Variants in TECPR2 observed in about 807,000 individuals in gnomAD.
TECPR2 encodes the protein tectonin beta-propeller repeat containing 2, also known as tectonin beta-propeller repeat-containing protein 2.
TECPR2 carries 65 observed loss-of-function variants against 138.1 expected under a neutral mutation model. That is an observed-to-expected ratio of 0.47 (90% CI 0.39 to 0.58). The LOEUF is 0.58. TECPR2 is among the 20% of genes least tolerant of loss of function. The probability of loss-of-function intolerance (pLI) is 0.00; values close to 1 mark genes in which losing one functional copy is unlikely to be tolerated. For synonymous variants in TECPR2, 746 were observed against 749.8 expected (o/e 0.99, Z 0.08); for missense variants, 1,553 against 1,824.5 (o/e 0.85, Z 2.71).
intron 17 of TECPR2, among the ~76,000 whole-genome samples, chr14:102,493,061 C>G (rs1891191593): frequency 6.6e-6 from 1 of 152,278 alleles, no homozygotes; most frequent in Non-Finnish European, 1.5e-5. Context: ...CTTTCTCTAT[C>G]TGGAGACCCC....
chr14:102,439,287 C>T (rs1889767271), intron 10 of TECPR2, among the ~76,000 whole-genome samples: 1 of 152,184 alleles, frequency 6.6e-6, no homozygotes, highest in Admixed American at 6.5e-5. Context: ...GAAGCCGAAG[C>T]TGAGTCTGTG....
intron 2 of TECPR2, among the ~76,000 whole-genome samples, chr14:102,396,680 C>T (rs1050982157): frequency 2.0e-5 from 3 of 152,148 alleles, no homozygotes; most frequent in Non-Finnish European, 4.4e-5. Context: ...GCTGGGATGG[C>T]AAACTGTGGT....
At chr14:102,413,449 G>C (rs1888938523) in intron 4 of TECPR2, among the ~76,000 whole-genome samples, 1 of 150,468 alleles carries the variant, frequency 6.6e-6, no homozygotes, top group Non-Finnish European at 1.5e-5. Flanking sequence ...GTGCGATCTT[G>C]GCTCACTGCA....
chr14:102,412,181 G>GT (rs1439420743), intron 4 of TECPR2, among the ~76,000 whole-genome samples: 1 of 142,784 alleles, frequency 7.0e-6, no homozygotes, highest in Non-Finnish European at 1.5e-5. Context: ...ACCCAGGCTG[G>GT]TGCACAGTGG....
In TECPR2 at chr14:102,434,230, A is replaced by G. The variant is rs768297495; in HGVS notation, c.1418-5A>G. On this transcript the variant is annotated splice_polypyrimidine_tract_variant and splice_region_variant and intron_variant, in intron 8 of 19. Transcript: ENST00000359520. ...CTTATTTTGAATGTTCTTATTCTGA[A>G]TTAGAAGGTGGAAGCAGGAGCACCT... 7 of 1,365,290 alleles carry G rather than the reference A, an allele frequency of 5.1e-6. No homozygotes were observed. In the Admixed American group the frequency reaches 8.2e-5, roughly 16 times the overall value. 84.6% of individuals were successfully genotyped at this position (1,365,290 alleles called of 1,614,324 possible).
At chr14:102,449,397 C>T (rs941472598) in intron 13 of TECPR2, among the ~76,000 whole-genome samples, 4 of 152,222 alleles carry the variant, frequency 2.6e-5, no homozygotes, top group African/African-American at 9.7e-5. Flanking sequence ...TCTTCCATAC[C>T]TTTAAATCCA....
intron 19 of TECPR2, 48 bp from the exon 20 acceptor site, chr14:102,498,055 C>G (rs1891338455): frequency 9.8e-7 from 1 of 1,023,528 alleles, no homozygotes; most frequent in South Asian, 1.8e-5. Context: ...GTGCCCACCC[C>G]ACAGGCTGTG....
At chr14:102,383,703 C>T (rs1253011063) in intron 2 of TECPR2, among the ~76,000 whole-genome samples, 1 of 151,794 alleles carries the variant, frequency 6.6e-6, no homozygotes, top group Non-Finnish European at 1.5e-5. Flanking sequence ...CCACTGCGCC[C>T]GGTCCCGTAT....
At chr14:102,442,167 C>T (rs1041801371) in intron 11 of TECPR2, among the ~76,000 whole-genome samples, 4 of 152,160 alleles carry the variant, frequency 2.6e-5, no homozygotes, top group African/African-American at 9.7e-5. Flanking sequence ...TTAGTAGAGG[C>T]AGGGTTTCAC....
chr14:102,418,580 T>C (rs116293670), intron 5 of TECPR2, among the ~76,000 whole-genome samples: 5,736 of 144,308 alleles, frequency 0.04, 122 homozygotes, highest in Middle Eastern at 0.098. Flanking sequence ...GAGCACGGTG[T>C]GGGGAGCCCC....
At chr14:102,425,679 G>T (rs931009311) in intron 6 of TECPR2, among the ~76,000 whole-genome samples, 7 of 151,658 alleles carry the variant, frequency 4.6e-5, no homozygotes, top group Non-Finnish European at 1.0e-4. Context: ...AGGTTCAAGC[G>T]ATTCTCCTGC....
At chr14:102,365,059 C>T (rs888116736) in intron 1 of TECPR2, among the ~76,000 whole-genome samples, 1 of 152,178 alleles carries the variant, frequency 6.6e-6, no homozygotes, top group African/African-American at 2.4e-5. Context: ...CATAAGAGTT[C>T]TATTGACTTT....
chr14:102,410,840 A>G (rs1397219616), intron 4 of TECPR2, among the ~76,000 whole-genome samples: 4 of 151,574 alleles, frequency 2.6e-5, no homozygotes, highest in African/African-American at 9.7e-5. Flanking sequence ...CGCAGCTGAT[A>G]TCTCCTGGTG....
intron 4 of TECPR2, among the ~76,000 whole-genome samples, chr14:102,413,357 A>G (rs911817133): frequency 6.0e-5 from 9 of 149,342 alleles, no homozygotes; most frequent in Non-Finnish European, 8.9e-5. Flanking sequence ...AAATATACAT[A>G]TATTTCATAT....
chr14:102,475,797 C>T (rs1488192917), intron 17 of TECPR2, among the ~76,000 whole-genome samples: 1 of 152,024 alleles, frequency 6.6e-6, no homozygotes. Context: ...TAGGAGCTGA[C>T]CCAGAAATGA....
chr14:102,440,708 T>A, intron 11 of TECPR2, 99 bp downstream of exon 11: 1 of 1,391,804 alleles, frequency 7.2e-7, no homozygotes, highest in Non-Finnish European at 9.7e-7. Context: ...TCGCTATGAT[T>A]AAGAGGCTAA....
intron 1 of TECPR2, among the ~76,000 whole-genome samples, chr14:102,365,945 CCTT>C (rs1195425157): frequency 6.6e-6 from 1 of 152,160 alleles, no homozygotes; most frequent in Non-Finnish European, 1.5e-5. Flanking sequence ...TTACGTTCCT[CCTT>C]AATAATTTAA....
chr14:102,493,925 C>T (rs1219909771), intron 17 of TECPR2, among the ~76,000 whole-genome samples: 2 of 152,196 alleles, frequency 1.3e-5, no homozygotes, highest in African/African-American at 2.4e-5. Flanking sequence ...ATCTGCCATC[C>T]AACCCTTCCC....
At chr14:102,394,446 TAAA>T (rs917813722) in intron 2 of TECPR2, among the ~76,000 whole-genome samples, 2 of 151,906 alleles carry the variant, frequency 1.3e-5, no homozygotes, top group African/African-American at 4.8e-5. Context: ...CTACAAAAAA[TAAA>T]AAATTAGCTG....
Sources: gnomAD v4.1 joint callset for allele counts (sites outside exome capture counted in the v4.1 genomes callset) on GRCh38, gnomAD v4.1.1 for gene constraint, MANE v1.5 for transcripts, NCBI Gene and HGNC (gene_info 2026-07-23, HGNC 2026-07-21) for gene names.